The following KCNQ5 variants were observed in gnomAD, a reference collection of about 807,000 sequenced individuals.
KCNQ5 encodes the protein potassium voltage-gated channel subfamily Q member 5.
Under a neutral mutation model 98.2 loss-of-function variants are expected in KCNQ5, and 30 were observed. The ratio of observed to expected loss-of-function variants is 0.31; its 90% CI spans 0.23 to 0.41. The LOEUF (loss-of-function observed/expected upper bound fraction) is 0.41, where lower values mean the gene tolerates loss of function less well. KCNQ5 is among the 10% of genes least tolerant of loss of function. KCNQ5 has a pLI of 1.00. For missense variants in KCNQ5, 835 were observed against 1,182.5 expected (o/e 0.71, Z 4.31); for synonymous variants, 458 against 449.4 (o/e 1.02, Z -0.24).
At chr6:72,904,132 C>G (rs915066523) in intron 1 of KCNQ5, among the ~76,000 whole-genome samples, 4 of 152,100 alleles carry the variant, frequency 2.6e-5, no homozygotes, top group African/African-American at 9.7e-5. Context: ...TTTGTTTTGT[C>G]TGATACAAGA....
rs112513178 is a variant in KCNQ5 at position 73,041,588 on chromosome 6, G to T, written c.490-348G>T. ...ATTTCAGGATCGCTATTTTATTTCA[G>T]ATATTTCACATGTTACTGGGTAGCT... On this transcript the variant is annotated intron_variant, in intron 2 of 13. Coordinates refer to ENST00000370398, the MANE Select transcript of KCNQ5 (RefSeq NM_019842.4). Among the ~76,000 whole-genome samples, 346 of 152,192 alleles carry T rather than the reference G, an allele frequency of 2.3e-3. 2 individuals carry two copies. Among genetic ancestry groups the T allele is most frequent in the African/African-American group, 8.1e-3 (337 of 41,530 alleles).
chr6:72,745,966 A>G (rs1771376930), intron 1 of KCNQ5, among the ~76,000 whole-genome samples: 1 of 149,586 alleles, frequency 6.7e-6, no homozygotes, highest in South Asian at 2.1e-4. Context: ...TCTAACTCCA[A>G]ATTTCTCTCT....
chr6:72,719,359 G>A (rs534825398), intron 1 of KCNQ5, among the ~76,000 whole-genome samples: 1 of 152,290 alleles, frequency 6.6e-6, no homozygotes, highest in South Asian at 2.1e-4. Flanking sequence ...AGGCTCAGAA[G>A]CCCCTCTCTC....
At chr6:72,692,530 T>G (rs998022294) in intron 1 of KCNQ5, among the ~76,000 whole-genome samples, 1 of 152,220 alleles carries the variant, frequency 6.6e-6, no homozygotes, top group African/African-American at 2.4e-5. Context: ...ATCAGTGGGT[T>G]TTTTAATATG....
rs989831993 is a variant in KCNQ5 at position 73,198,847 on chromosome 6, A to G, written c.*3433A>G. ...AAAGTAAAACATTAAAAAGATGTCT[A>G]TAAACAGCTAGTGTGACTATTTTTA... is the stretch of plus-strand genomic sequence containing the variant. On this transcript the variant is annotated 3_prime_UTR_variant, in exon 14 of 14. Coordinates refer to ENST00000370398, the MANE Select transcript of KCNQ5 (RefSeq NM_019842.4). The G allele has an allele frequency of 3.3e-5, 5 of 152,258 alleles. No individual in the cohort carries two copies. The highest frequency in any genetic ancestry group is 1.2e-4 in the African/African-American group (5 of 41,462). 9.4% of individuals were successfully genotyped at this position (152,258 alleles called of 1,614,324 possible).
chr6:73,055,198 C>T, intron 3 of KCNQ5: 1 of 989,696 alleles, frequency 1.0e-6, no homozygotes, highest in African/African-American at 1.6e-5. Context: ...GCCCAGCGGG[C>T]CATGAGGCGG....
intron 1 of KCNQ5, among the ~76,000 whole-genome samples, chr6:72,658,579 T>TATATA (rs34408725): frequency 1.6e-3 from 110 of 69,588 alleles, no homozygotes; most frequent in East Asian, 5.1e-3. Flanking sequence ...TATATATATA[T>TATATA]TTTTTTTTTT....
intron 1 of KCNQ5, among the ~76,000 whole-genome samples, chr6:72,682,432 A>G (rs578237759): frequency 6.6e-6 from 1 of 152,262 alleles, no homozygotes; most frequent in South Asian, 2.1e-4. Context: ...TTCAGTTTAC[A>G]AAAAGGATTT....
intron 10 of KCNQ5, among the ~76,000 whole-genome samples, chr6:73,148,717 G>A (rs1432889845): frequency 2.0e-5 from 3 of 152,188 alleles, no homozygotes; most frequent in Admixed American, 2.0e-4. Flanking sequence ...CTGAGATAAG[G>A]AGATGATGTT....
chr6:72,872,125 G>A (rs979867538), intron 1 of KCNQ5, among the ~76,000 whole-genome samples: 1 of 152,188 alleles, frequency 6.6e-6, no homozygotes, highest in Non-Finnish European at 1.5e-5. Context: ...ATGATTTTAT[G>A]TAATAGCTTT....
chr6:73,165,360 C>G (rs967712637), intron 10 of KCNQ5, among the ~76,000 whole-genome samples: 6 of 152,130 alleles, frequency 3.9e-5, no homozygotes, highest in African/African-American at 1.4e-4. Context: ...TCCCAGGGCT[C>G]TATAATGATG....
At chr6:72,956,620 G>T (rs1181172196) in intron 1 of KCNQ5, among the ~76,000 whole-genome samples, 4 of 147,754 alleles carry the variant, frequency 2.7e-5, no homozygotes, top group Non-Finnish European at 5.9e-5. Context: ...TGCTCAGGCT[G>T]GTCTCAAACT....
chr6:72,844,392 A>G (rs985876221), intron 1 of KCNQ5, among the ~76,000 whole-genome samples: 1 of 152,196 alleles, frequency 6.6e-6, no homozygotes, highest in African/African-American at 2.4e-5. Context: ...AAATAGGAGA[A>G]TCATCTTTAA....
At chr6:72,952,977 G>T (rs1766878809) in intron 1 of KCNQ5, among the ~76,000 whole-genome samples, 1 of 152,096 alleles carries the variant, frequency 6.6e-6, no homozygotes, top group African/African-American at 2.4e-5. Context: ...TTTTCCTGAG[G>T]ATCCAGTAAT....
At chr6:73,025,710 A>G (rs1412143549) in intron 2 of KCNQ5, among the ~76,000 whole-genome samples, 1 of 151,568 alleles carries the variant, frequency 6.6e-6, no homozygotes, top group Non-Finnish European at 1.5e-5. Context: ...GTATATAAAA[A>G]TCAAATATAA....
At chr6:72,905,907 T>A (rs1235354994) in intron 1 of KCNQ5, among the ~76,000 whole-genome samples, 1 of 152,110 alleles carries the variant, frequency 6.6e-6, no homozygotes, top group Non-Finnish European at 1.5e-5. Context: ...CCAGAGAGCA[T>A]CATCTGTGGC....
intron 3 of KCNQ5, among the ~76,000 whole-genome samples, chr6:73,052,237 A>T (rs1772277640): frequency 6.6e-6 from 1 of 152,260 alleles, no homozygotes; most frequent in Non-Finnish European, 1.5e-5. Context: ...GTATGGGATT[A>T]TGTAAAGACA....
At chr6:73,128,392 G>A (rs1024456311) in intron 9 of KCNQ5, among the ~76,000 whole-genome samples, 1 of 152,152 alleles carries the variant, frequency 6.6e-6, no homozygotes, top group Non-Finnish European at 1.5e-5. Context: ...AATGGGACAA[G>A]TTTTTTTCTG....
At chr6:72,655,072 C>CTTTCTTTCTGTT (rs1766104458) in intron 1 of KCNQ5, among the ~76,000 whole-genome samples, 1 of 148,440 alleles carries the variant, frequency 6.7e-6, no homozygotes, top group African/African-American at 2.5e-5. Flanking sequence ...TTCTTTCTTT[C>CTTTCTTTCTGTT]TTTCTTTCTT....
Sources: gnomAD v4.1 joint callset for allele counts (sites outside exome capture counted in the v4.1 genomes callset) on GRCh38, gnomAD v4.1.1 for gene constraint, MANE v1.5 for transcripts, NCBI Gene and HGNC (gene_info 2026-07-23, HGNC 2026-07-21) for gene names.